Variants in RNFT2 observed in about 807,000 individuals in gnomAD.
The protein encoded by RNFT2 is E3 ubiquitin-protein ligase RNFT2.
A neutral mutation model predicts 53.0 loss-of-function variants in RNFT2; 36 were observed. The observed-to-expected ratio is 0.68, with a 90% CI of 0.52 to 0.90. The LOEUF is 0.90. Among genes scored for constraint, RNFT2 ranks in the 40% least tolerant of loss-of-function variants. The pLI is 0.00. For missense variants in RNFT2, 514 were observed against 585.6 expected, an observed-to-expected ratio of 0.88 and a Z score of 1.26; for synonymous variants, 260 against 253.2, an observed-to-expected ratio of 1.03 and a Z score of -0.26.
rs984410032 is a variant in RNFT2 at position 116,740,454 on chromosome 12, C to T, written c.-44C>T. On this transcript the variant is annotated 5_prime_UTR_variant, in exon 2 of 11. Coordinates refer to ENST00000257575, the MANE Select transcript of RNFT2 (RefSeq NM_001382266.1). The stretch of plus-strand genomic sequence containing the variant: ...TTGGTCACATCCCCCTGAGGATTCC[C>T]GAATGCCTACCTCCAGTGTCGTCAA... 21 of 1,558,140 alleles carry T rather than the reference C, an allele frequency of 1.3e-5. No homozygotes were observed. The highest frequency in any genetic ancestry group is 4.8e-5 in the East Asian group (2 of 42,050).
At chr12:116,829,741 G>A (rs113327017) in intron 7 of RNFT2, among the ~76,000 whole-genome samples, 2,046 of 152,146 alleles carry the variant, frequency 0.013, 45 homozygotes, top group African/African-American at 0.046. Context: ...CACCATACCC[G>A]GCTATTTTTT....
chr12:116,761,214 T>C (rs1872681346), intron 5 of RNFT2, among the ~76,000 whole-genome samples: 1 of 152,204 alleles, frequency 6.6e-6, no homozygotes. Context: ...AGTGGCATGA[T>C]CTTGGCGCAC....
At chr12:116,841,272 C>T (rs892612247) in intron 10 of RNFT2, among the ~76,000 whole-genome samples, 19 of 152,032 alleles carry the variant, frequency 1.2e-4, no homozygotes, top group East Asian at 3.9e-4. Flanking sequence ...AGCAACATAG[C>T]GAGACCCCCA....
intron 10 of RNFT2, among the ~76,000 whole-genome samples, chr12:116,837,277 C>T (rs1166434375): frequency 6.6e-6 from 1 of 152,128 alleles, no homozygotes; most frequent in Non-Finnish European, 1.5e-5. Flanking sequence ...CCGTCCCCTC[C>T]TCTGGAAGCT....
chr12:116,780,351 T>C lies in RNFT2; in HGVS notation c.882+1003T>C, dbSNP rs1005166868. ...CTGTTCCACTTCAGATCATCAGGCA[T>C]TGGATTCTCATAGGGAGCATACAAC... On this transcript the variant is annotated intron_variant, in intron 7 of 10. Transcript: ENST00000257575. Among the ~76,000 whole-genome samples, 5 of 152,182 alleles carry C rather than the reference T, an allele frequency of 3.3e-5. 1 individual carries two copies. The highest frequency in any genetic ancestry group is 7.3e-5 in the Non-Finnish European group (5 of 68,030).
At chr12:116,762,800 T>TG (rs1872739399) in intron 5 of RNFT2, among the ~76,000 whole-genome samples, 1 of 152,070 alleles carries the variant, frequency 6.6e-6, no homozygotes, top group African/African-American at 2.4e-5. Flanking sequence ...TTAGTAGAGA[T>TG]GGGGTTTCAC....
At chr12:116,755,136 C>T (rs1592940179) in intron 5 of RNFT2, among the ~76,000 whole-genome samples, 1 of 152,222 alleles carries the variant, frequency 6.6e-6, no homozygotes, top group East Asian at 1.9e-4. Flanking sequence ...GGTTGAAATC[C>T]TTAATCCATC....
intron 7 of RNFT2, among the ~76,000 whole-genome samples, chr12:116,792,656 C>G (rs185321647): frequency 8.0e-4 from 121 of 152,190 alleles, no homozygotes; most frequent in Non-Finnish European, 1.5e-3. Context: ...TAGTCTTCCC[C>G]AAGATAAATT....
chr12:116,750,135 G>A lies in RNFT2; in HGVS notation c.378G>A (p.Leu126=). The change falls in exon 4 of 11, where the codon CTG becomes CTA. Residue 126 remains leucine (L), a synonymous_variant. Coordinates refer to ENST00000257575, the MANE Select transcript of RNFT2 (RefSeq NM_001382266.1). Reference sequence around the variant, plus strand: ...ATGGCGGCCACCGCGGGGGCTCCCTGCTGCAGCACGTGGGTGGGGACCACC... The same window carrying A: ...ATGGCGGCCACCGCGGGGGCTCCCTACTGCAGCACGTGGGTGGGGACCACC... ...FHHGGHRGGS[L]LQHVGGDHRG... is the part of the protein sequence containing the mutation. The A allele has an allele frequency of 1.3e-6, 2 of 1,580,856 alleles. No homozygotes were observed. Among genetic ancestry groups the A allele is most frequent in the Non-Finnish European group, 1.7e-6 (2 of 1,169,848 alleles).
intron 7 of RNFT2, among the ~76,000 whole-genome samples, chr12:116,821,802 C>CTTTTTTTTTTTTTTTTTTTTTTTTT (rs149043452): frequency 2.3e-5 from 1 of 43,926 alleles, no homozygotes; most frequent in Non-Finnish European, 3.7e-5. Flanking sequence ...CTACTTGTTT[C>CTTTTTTTTTTTTTTTTTTTTTTTTT]TTTTTTTTTT....
chr12:116,809,626 G>A (rs527635176), intron 7 of RNFT2, among the ~76,000 whole-genome samples: 1 of 152,222 alleles, frequency 6.6e-6, no homozygotes, highest in South Asian at 2.1e-4. Flanking sequence ...CTCAAAGACT[G>A]GGCTTCACCC....
chr12:116,769,925 C>T (rs1185629581), intron 6 of RNFT2, among the ~76,000 whole-genome samples: 1 of 152,076 alleles, frequency 6.6e-6, no homozygotes, highest in Non-Finnish European at 1.5e-5. Flanking sequence ...ATCCCAGCTA[C>T]TTGGGAGGCT....
rs1308384275 is a variant in RNFT2 at position 116,771,490 on chromosome 12, A to ATATAT, written c.728+4576_728+4577insTATAT. 1.9e-4 allele frequency among the ~76,000 whole-genome samples: 20 copies of ATATAT among 107,576 alleles called. 1 individual carries two copies. Among genetic ancestry groups the ATATAT allele is most frequent in the Admixed American group, 2.3e-4 (2 of 8,520 alleles). 70.6% of individuals were successfully genotyped at this position (107,576 alleles called of 152,430 possible). On this transcript the variant is annotated intron_variant, in intron 6 of 10. Coordinates refer to ENST00000257575, the MANE Select transcript of RNFT2 (RefSeq NM_001382266.1). ...AAAAAAAAAAAAAAAAAAAAAAAAA[A>ATATAT]AAAAATACGTATATGAGCAATTTTA...
intron 7 of RNFT2, among the ~76,000 whole-genome samples, chr12:116,819,572 C>T (rs1875891485): frequency 6.6e-6 from 1 of 152,100 alleles, no homozygotes; most frequent in Non-Finnish European, 1.5e-5. Context: ...GCGGCCGGGC[C>T]AGCCCGCGCC....
intron 7 of RNFT2, among the ~76,000 whole-genome samples, chr12:116,788,513 G>A (rs1874041721): frequency 6.6e-6 from 1 of 152,066 alleles, no homozygotes; most frequent in South Asian, 2.1e-4. Context: ...GCTAGGTGTG[G>A]TGCTCCCACG....
intron 5 of RNFT2, among the ~76,000 whole-genome samples, chr12:116,762,427 A>G (rs535295570): frequency 7.9e-5 from 12 of 152,018 alleles, no homozygotes; most frequent in African/African-American, 2.7e-4. Flanking sequence ...AAAGAAAGAA[A>G]TAGTGCATAC....
Position 116,852,002 on chromosome 12 carries a change from G to C in RNFT2, c.*2554G>C. On this transcript the variant is annotated 3_prime_UTR_variant, in exon 11 of 11. Coordinates refer to ENST00000257575, the MANE Select transcript of RNFT2 (RefSeq NM_001382266.1). ...GATGTTTCCACCAACCAGGGTAGTG[G>C]CATGGAGCACCGTAACCATCTGTGC... The C allele has an allele frequency of 7.0e-7, 1 of 1,429,430 alleles. No homozygotes were observed. Among genetic ancestry groups the C allele is most frequent in the Non-Finnish European group, 9.3e-7 (1 of 1,081,072 alleles). The allele number at this position is 1,429,430 out of a possible 1,614,324, so 88.5% of individuals were successfully genotyped here.
chr12:116,839,874 C>A (rs1943232556), intron 10 of RNFT2, among the ~76,000 whole-genome samples: 1 of 152,136 alleles, frequency 6.6e-6, no homozygotes, highest in South Asian at 2.1e-4. Flanking sequence ...ACCCACTACC[C>A]CCTGAGCTAG....
intron 6 of RNFT2, among the ~76,000 whole-genome samples, chr12:116,770,137 T>C (rs1206737620): frequency 6.6e-6 from 1 of 152,142 alleles, no homozygotes; most frequent in Non-Finnish European, 1.5e-5. Flanking sequence ...TTCACCACTC[T>C]CTCATTGACT....
Sources: allele counts gnomAD v4.1 joint callset (sites outside exome capture counted in the v4.1 genomes callset), GRCh38; gene constraint gnomAD v4.1.1; transcripts MANE v1.5; gene names NCBI Gene and HGNC (gene_info 2026-07-23, HGNC 2026-07-21).